Variants in CPA6 observed in about 807,000 individuals in gnomAD.
The protein encoded by CPA6 is carboxypeptidase B.
In CPA6, 58 loss-of-function variants were observed where a neutral mutation model predicts 63.3. That is an observed-to-expected ratio of 0.92 (90% CI 0.74 to 1.14). The LOEUF is 1.14. Among genes scored for constraint, CPA6 ranks in the 50% most tolerant of loss-of-function variants. The pLI is 0.00. For missense variants in CPA6, 565 were observed against 526.6 expected, an observed-to-expected ratio of 1.07 and a Z score of -0.71; for synonymous variants, 185 against 179.0, an observed-to-expected ratio of 1.03 and a Z score of -0.27.
At chr8:67,487,288 T>C (rs1283923254) in intron 6 of CPA6, among the ~76,000 whole-genome samples, 7 of 151,958 alleles carry the variant, frequency 4.6e-5, no homozygotes, top group Admixed American at 6.6e-5. Context: ...CCCACCTGAG[T>C]GAGAACATGT....
chr8:67,650,318 A>G (rs1377707222), intron 1 of CPA6, among the ~76,000 whole-genome samples: 2 of 152,098 alleles, frequency 1.3e-5, no homozygotes, highest in East Asian at 3.9e-4. Flanking sequence ...TTGTATATAA[A>G]CGAAAGGGCC....
Position 67,708,336 on chromosome 8 carries a change from GAGC to G in CPA6, c.116+37675_116+37677del, listed in dbSNP as rs1817182718. Among the ~76,000 whole-genome samples the G allele has an allele frequency of 2.6e-5, 4 of 152,300 alleles. No individual in the cohort carries two copies. In the South Asian group the frequency reaches 8.3e-4, roughly 32 times the overall value. On this transcript the variant is annotated intron_variant, in intron 1 of 10. Coordinates refer to ENST00000297770, the MANE Select transcript of CPA6 (RefSeq NM_020361.5). ...TCATGATTTTGCTTTTAATAAAAAA[GAGC>G]AGGAGAGAAAAAAATTATGTTTCAA...
intron 3 of CPA6, among the ~76,000 whole-genome samples, chr8:67,517,518 T>C (rs1303881104): frequency 6.6e-6 from 1 of 152,220 alleles, no homozygotes; most frequent in Non-Finnish European, 1.5e-5. Flanking sequence ...CTTCATACAC[T>C]AACCACTCTG....
At chr8:67,688,602 A>AAACCCCCATCTCTAC (rs1816753399) in intron 1 of CPA6, among the ~76,000 whole-genome samples, 1 of 152,180 alleles carries the variant, frequency 6.6e-6, no homozygotes, top group Non-Finnish European at 1.5e-5. Context: ...GGTTTGTGTC[A>AAACCCCCATCTCTAC]AAAACAACAC....
chr8:67,693,746 C>G (rs145523783), intron 1 of CPA6, among the ~76,000 whole-genome samples: 1 of 152,182 alleles, frequency 6.6e-6, no homozygotes, highest in Admixed American at 6.5e-5. Flanking sequence ...TACTTTCCAG[C>G]CTCCAGAACT....
chr8:67,495,141 T>C (rs537191201), intron 6 of CPA6, among the ~76,000 whole-genome samples: 2 of 151,742 alleles, frequency 1.3e-5, no homozygotes, highest in African/African-American at 2.4e-5. Flanking sequence ...TAGTGTAGTG[T>C]AGTGTTGGGT....
chr8:67,486,441 A>G (rs1811478424), intron 6 of CPA6, among the ~76,000 whole-genome samples: 3 of 152,262 alleles, frequency 2.0e-5, no homozygotes, highest in Admixed American at 6.5e-5. Context: ...GAAAAAATAT[A>G]CATAAATAAA....
At chr8:67,718,408 C>T (rs1357635454) in intron 1 of CPA6, among the ~76,000 whole-genome samples, 1 of 152,106 alleles carries the variant, frequency 6.6e-6, no homozygotes, top group Non-Finnish European at 1.5e-5. Flanking sequence ...GAAAATCTTT[C>T]AGGTCTATGC....
At chr8:67,509,465 G>C (rs1811998536) in intron 5 of CPA6, 52 bp downstream of exon 5, 2 of 859,046 alleles carry the variant, frequency 2.3e-6, no homozygotes, top group Middle Eastern at 5.4e-4. Flanking sequence ...AGTTGAAAAA[G>C]ATGGATATTT....
intron 8 of CPA6, among the ~76,000 whole-genome samples, chr8:67,443,853 A>T (rs1378731005): frequency 6.6e-6 from 1 of 152,222 alleles, no homozygotes; most frequent in Non-Finnish European, 1.5e-5. Flanking sequence ...GGTATTACGA[A>T]CGGTACCAAC....
intron 1 of CPA6, among the ~76,000 whole-genome samples, chr8:67,702,215 T>C (rs1452436753): frequency 2.0e-5 from 3 of 152,088 alleles, no homozygotes; most frequent in Non-Finnish European, 4.4e-5. Context: ...ATCTGTACCA[T>C]GCTAAATTTA....
intron 8 of CPA6, among the ~76,000 whole-genome samples, chr8:67,478,328 A>G (rs1811286451): frequency 6.6e-6 from 1 of 152,174 alleles, no homozygotes; most frequent in East Asian, 1.9e-4. Context: ...GTTTATCTGT[A>G]TCCTTTATAA....
At chr8:67,648,111 T>C (rs554111673) in intron 1 of CPA6, among the ~76,000 whole-genome samples, 1 of 152,232 alleles carries the variant, frequency 6.6e-6, no homozygotes, top group South Asian at 2.1e-4. Context: ...ATAGGGGGCT[T>C]AGGAGGAAGT....
chr8:67,449,006 C>T (rs963502168), intron 8 of CPA6, among the ~76,000 whole-genome samples: 2 of 152,216 alleles, frequency 1.3e-5, no homozygotes, highest in Admixed American at 6.5e-5. Context: ...AATCCCAGCA[C>T]TTTGGGAGGC....
intron 2 of CPA6, among the ~76,000 whole-genome samples, chr8:67,579,920 C>G (rs748500645): frequency 6.6e-6 from 1 of 152,196 alleles, no homozygotes; most frequent in Non-Finnish European, 1.5e-5. Flanking sequence ...CTCTCTGTAT[C>G]TTTACAGAAA....
intron 2 of CPA6, among the ~76,000 whole-genome samples, chr8:67,554,455 C>T (rs547899898): frequency 1.4e-4 from 22 of 152,118 alleles, no homozygotes; most frequent in Non-Finnish European, 2.1e-4. Context: ...ATGAGAAATC[C>T]GCCACCATGG....
chr8:67,461,465 C>T (rs528810319), intron 8 of CPA6, among the ~76,000 whole-genome samples: 2 of 151,730 alleles, frequency 1.3e-5, no homozygotes, highest in East Asian at 3.9e-4. Context: ...CTACTACTTT[C>T]TACACAGACA....
intron 3 of CPA6, among the ~76,000 whole-genome samples, chr8:67,512,937 T>C (rs1812071401): frequency 6.6e-6 from 1 of 152,238 alleles, no homozygotes. Context: ...TAACTTAGGG[T>C]CATACTGGGT....
intron 6 of CPA6, among the ~76,000 whole-genome samples, chr8:67,503,719 A>T (rs1022208049): frequency 8.5e-5 from 13 of 152,080 alleles, no homozygotes; most frequent in African/African-American, 2.9e-4. Context: ...ACATTCTGTT[A>T]AGTCTTTTGC....
Sources: gnomAD v4.1 joint callset for allele counts (sites outside exome capture counted in the v4.1 genomes callset) on GRCh38, gnomAD v4.1.1 for gene constraint, MANE v1.5 for transcripts, NCBI Gene and HGNC (gene_info 2026-07-23, HGNC 2026-07-21) for gene names.